Variants in SGTA observed in about 807,000 individuals in gnomAD.
SGTA encodes small glutamine-rich tetratricopeptide repeat-containing protein alpha.
SGTA carries 22 observed loss-of-function variants against 44.3 expected under a neutral mutation model. The observed-to-expected ratio is 0.50, with a 90% confidence interval of 0.36 to 0.71. The LOEUF is 0.71. Ranked by LOEUF, SGTA falls within the 30% of genes least tolerant of loss-of-function variation. The pLI, the probability that SGTA is intolerant of heterozygous loss-of-function variation, is 0.00. For missense variants in SGTA, 341 were observed against 435.9 expected, an observed-to-expected ratio of 0.78 and a Z score of 1.94; for synonymous variants, 174 against 177.6, an observed-to-expected ratio of 0.98 and a Z score of 0.16.
At chr19:2,774,945 G>C (rs528770088) in intron 1 of SGTA, among the ~76,000 whole-genome samples, 2 of 152,216 alleles carry the variant, frequency 1.3e-5, no homozygotes, top group African/African-American at 4.8e-5. Flanking sequence ...GACACTTGGT[G>C]TTGTCTCACA....
At chr19:2,778,570 T>C (rs1322130814) in intron 1 of SGTA, among the ~76,000 whole-genome samples, 2 of 150,540 alleles carry the variant, frequency 1.3e-5, no homozygotes, top group Non-Finnish European at 3.0e-5. Flanking sequence ...CCCATCCCTG[T>C]TACCCTGGGA....
chr19:2,757,474 A>G lies in SGTA; in HGVS notation c.828-17T>C, dbSNP rs200531485. 46 of 1,604,998 alleles carry G rather than the reference A, an allele frequency of 2.9e-5. No homozygotes were observed. The East Asian group carries it at 1.0e-3, about 35-fold the overall frequency. On this transcript the variant is annotated splice_polypyrimidine_tract_variant and intron_variant, in intron 10 of 11. Transcript: ENST00000221566. Reference sequence around the variant, plus strand: ...TGCTGGCCCCTGCGGGGAAGGGCACATGGGGCTCAGCCAGGGCCAGGAGGC... The same window carrying G: ...TGCTGGCCCCTGCGGGGAAGGGCACGTGGGGCTCAGCCAGGGCCAGGAGGC...
In SGTA at chr19:2,761,461, A is replaced by T; in HGVS notation, c.698T>A (p.Met233Lys). 1 of 1,551,536 alleles carries T rather than the reference A, an allele frequency of 6.4e-7. No individual in the cohort carries two copies. Among genetic ancestry groups the T allele is most frequent in the Non-Finnish European group, 8.7e-7 (1 of 1,146,888 alleles). The change falls in exon 8 of 12, where the codon ATG becomes AAG. Residue 233 changes from methionine (M) to lysine (K), a missense_variant and splice_region_variant. Transcript: ENST00000221566. This position sits in a 1 kb window ranked among gnomAD's most constrained non-coding sequence, Gnocchi z 5.7. ...GLLNNPGFMSMASNLMNNPQI... is the reference protein window; with the variant it reads ...GLLNNPGFMSKASNLMNNPQI... The stretch of plus-strand genomic sequence containing the variant: ...CAGGGAGGAGGGGCGGGCCGTTACC[A>T]TGCTCATGAAGCCAGGGTTGTTCAG...
chr19:2,762,924 C>T (rs746906770), intron 6 of SGTA, among the ~76,000 whole-genome samples: 2 of 152,182 alleles, frequency 1.3e-5, no homozygotes, highest in Non-Finnish European at 2.9e-5. Context: ...GAGGAGGGAG[C>T]GGGCCAGCTC....
chr19:2,764,572 G>A (rs993928645), intron 5 of SGTA, among the ~76,000 whole-genome samples: 1 of 151,390 alleles, frequency 6.6e-6, no homozygotes, highest in African/African-American at 2.4e-5. Flanking sequence ...TAATTTTTGT[G>A]GTTTTTTTCG....
intron 4 of SGTA, among the ~76,000 whole-genome samples, chr19:2,766,409 C>T (rs750272966): frequency 3.3e-5 from 5 of 151,840 alleles, no homozygotes; most frequent in Non-Finnish European, 7.4e-5. Context: ...GCTGTTTTTG[C>T]TTCTTTTTAT....
chr19:2,765,143 C>T lies in SGTA; in HGVS notation c.392+43G>A, dbSNP rs757334455. ...TGCTAAGCATCCCGGAGGACGCCCC[C>T]GCACCCGGCCGCCCCTGCCCTGGGC... On this transcript the variant is annotated intron_variant, in intron 5 of 11. Transcript: ENST00000221566. The surrounding 1 kb of genome is among the most constrained non-coding windows in gnomAD (Gnocchi z 5.5). 39 of 1,451,856 alleles carry T rather than the reference C, an allele frequency of 2.7e-5. No individual in the cohort carries two copies. The East Asian group carries it at 5.9e-4, about 22-fold the overall frequency. 89.9% of individuals were successfully genotyped at this position (1,451,856 alleles called of 1,614,324 possible).
rs1914987999 is a variant in SGTA, at chr19:2,761,492, C to T, written c.667G>A (p.Gly223Ser). The change falls in exon 8 of 12, where the codon GGC (glycine) becomes AGC (serine). Residue 223 changes from glycine (G) to serine (S), a missense_variant. Transcript: ENST00000221566. This position sits in a 1 kb window ranked among gnomAD's most constrained non-coding sequence, Gnocchi z 5.7. ...ATGAAGCCAGGGTTGTTCAGCAGGC[C>T]GGCGATGTCGAAGCTGCCCACGCCT... is the stretch of plus-strand genomic sequence containing the variant. The part of the protein sequence containing the change: ...TGGVGSFDIA[G>S]LLNNPGFMSM... The T allele has an allele frequency of 1.9e-6, 3 of 1,551,504 alleles. No homozygotes were observed. Among genetic ancestry groups the T allele is most frequent in the East Asian group, 2.4e-5 (1 of 40,928 alleles).
At chr19:2,771,576 G>A (rs1374013798) in intron 1 of SGTA, among the ~76,000 whole-genome samples, 1 of 22,346 alleles carries the variant, frequency 4.5e-5, no homozygotes, top group African/African-American at 1.4e-4. Flanking sequence ...CCTCCCCATC[G>A]GGGGGGGGGG....
At chr19:2,773,943 C>T (rs1402992018) in intron 1 of SGTA, among the ~76,000 whole-genome samples, 8 of 121,002 alleles carry the variant, frequency 6.6e-5, no homozygotes, top group Non-Finnish European at 8.0e-5. Flanking sequence ...GCAGGGACTC[C>T]GAGGGCAGAG....
Position 2,761,553 on chromosome 19 carries a change from GC to G in SGTA, c.637-32del. 1 of 1,539,044 alleles carries G rather than the reference GC, an allele frequency of 6.5e-7. No homozygotes were observed. Among genetic ancestry groups the G allele is most frequent in the Non-Finnish European group, 8.8e-7 (1 of 1,135,894 alleles). On this transcript the variant is annotated intron_variant, in intron 7 of 11. Transcript: ENST00000221566. This position sits in a 1 kb window ranked among gnomAD's most constrained non-coding sequence, Gnocchi z 5.7. ...GATGAGAACAGCCCTGGTTAGTGGGGCCTGGACCAGAGGCCACGGTGAATAA... is the reference window on the plus strand; with the variant it reads ...GATGAGAACAGCCCTGGTTAGTGGGGCTGGACCAGAGGCCACGGTGAATAA...
chr19:2,779,121 GCTGTAAATCA>G (rs1915513568), intron 1 of SGTA, among the ~76,000 whole-genome samples: 2 of 152,182 alleles, frequency 1.3e-5, no homozygotes, highest in Non-Finnish European at 2.9e-5. Context: ...ACCGCCCCCA[GCTGTAAATCA>G]CTGATGGCCA....
In SGTA at chr19:2,779,253, A is replaced by G. The variant is rs539431242; in HGVS notation, c.-24+3980T>C. On this transcript the variant is annotated intron_variant, in intron 1 of 11. Transcript: ENST00000221566. Reference sequence around the variant, plus strand: ...GCTTGTAGGCTATTCTGGGTTTCAGAACTGCGGGTCCACGGTGGAGGACTG... The same window carrying G: ...GCTTGTAGGCTATTCTGGGTTTCAGGACTGCGGGTCCACGGTGGAGGACTG... 2.0e-5 allele frequency among the ~76,000 whole-genome samples: 3 copies of G among 152,202 alleles called. No homozygotes were observed. In the East Asian group the frequency reaches 5.8e-4, roughly 29 times the overall value.
chr19:2,757,804 T>G, intron 9 of SGTA, 22 bp from the exon 10 acceptor site: 1 of 1,523,222 alleles, frequency 6.6e-7, no homozygotes, highest in Non-Finnish European at 8.8e-7. Flanking sequence ...AGCGCGTGAC[T>G]CGCAGCCGGG....
Position 2,763,205 on chromosome 19 carries a change from A to G in SGTA, c.497+448T>C, listed in dbSNP as rs1915050479. ...CCACAAACTCTGAGCAAGGGCATTCAGAGAAGCAGGCGAATGCACGCTTAT... is the reference window on the plus strand; with the variant it reads ...CCACAAACTCTGAGCAAGGGCATTCGGAGAAGCAGGCGAATGCACGCTTAT... On this transcript the variant is annotated intron_variant, in intron 6 of 11. Transcript: ENST00000221566. This position sits in a 1 kb window ranked among gnomAD's most constrained non-coding sequence, Gnocchi z 5.8. Among the ~76,000 whole-genome samples the G allele has an allele frequency of 6.6e-6, 1 of 152,194 alleles. No homozygotes were observed. The highest frequency in any genetic ancestry group is 1.5e-5 in the Non-Finnish European group (1 of 68,030).
At position 2,762,738 on chromosome 19, in the gene SGTA, A is replaced by G. The variant is rs931499149; in HGVS notation, c.498-94T>C. 4.7e-6 allele frequency: 7 copies of G among 1,484,410 alleles called. No individual in the cohort carries two copies. The Admixed American group carries it at 1.2e-4, about 26-fold the overall frequency. The allele number at this position is 1,484,410 out of a possible 1,614,324, so 92.0% of individuals were successfully genotyped here. ...GTCCCCGGCGGTCCTGGCAACCCCC[A>G]AACCACCTCGGATGGTGCCACCCCC... On this transcript the variant is annotated intron_variant, in intron 6 of 11. Transcript: ENST00000221566.
Position 2,767,502 on chromosome 19 carries a change from G to A in SGTA, c.207+78C>T. 8.4e-7 allele frequency: 1 copy of A among 1,194,652 alleles called. No homozygotes were observed. Among genetic ancestry groups the A allele is most frequent in the South Asian group, 1.3e-5 (1 of 79,736 alleles). 74.0% of individuals were successfully genotyped at this position (1,194,652 alleles called of 1,614,324 possible). A position where few individuals can be genotyped will look rare whatever the true frequency, so the allele number is the denominator to read the frequency against. On this transcript the variant is annotated intron_variant, in intron 3 of 11. Coordinates refer to ENST00000221566, the MANE Select transcript of SGTA (RefSeq NM_003021.4). This position sits in a 1 kb window ranked among gnomAD's most constrained non-coding sequence, Gnocchi z 7.3. ...AGTGCTGGGGGACGATGAGAGCGGG[G>A]CTCCTGGGGTCCCCAGGGCTGCCTG...
rs1278863213 is a variant in SGTA at position 2,770,001 on chromosome 19, G to A, written c.-23-910C>T. On this transcript the variant is annotated intron_variant, in intron 1 of 11. Coordinates refer to ENST00000221566, the MANE Select transcript of SGTA (RefSeq NM_003021.4). ...CGGACACCCGCCTGGTTCCCCCCTC[G>A]GACACCCGCCTGTGCCCCCCTCGGA... Among the ~76,000 whole-genome samples the A allele has an allele frequency of 1.8e-4, 7 of 38,432 alleles. No individual in the cohort carries two copies. In the South Asian group the frequency reaches 9.0e-3, roughly 50 times the overall value. The allele number at this position is 38,432 out of a possible 152,430, so 25.2% of individuals were successfully genotyped here. A position where few individuals can be genotyped will look rare whatever the true frequency, so the allele number is the denominator to read the frequency against.
intron 1 of SGTA, chr19:2,778,162 G>A (rs914115093): frequency 6.6e-6 from 1 of 152,226 alleles, no homozygotes; most frequent in South Asian, 2.1e-4. Context: ...GCTGGAACTC[G>A]GCTTAGCATT....
Sources: allele counts gnomAD v4.1 joint callset (sites outside exome capture counted in the v4.1 genomes callset), GRCh38; gene constraint gnomAD v4.1.1; non-coding constraint Gnocchi (gnomAD v3.1); transcripts MANE v1.5; gene names NCBI Gene and HGNC (gene_info 2026-07-23, HGNC 2026-07-21).